SYCP1: variants seen among roughly 807,000 people sequenced by gnomAD.
SYCP1 encodes the protein synaptonemal complex protein 1, also known as cancer/testis antigen 8.
A neutral mutation model predicts 153.1 loss-of-function variants in SYCP1; 64 were observed. The ratio of observed to expected loss-of-function variants is 0.42; its 90% CI spans 0.34 to 0.51. The LOEUF is 0.51. Ranked by LOEUF, SYCP1 falls within the 20% of genes least tolerant of loss-of-function variation. The pLI, the probability that SYCP1 is intolerant of heterozygous loss-of-function variation, is 0.06. For synonymous variants in SYCP1, 384 were observed against 341.8 expected (o/e 1.12, Z -1.36); for missense variants, 997 against 1,049.0 (o/e 0.95, Z 0.68).
chr1:114,976,468 T>C (rs1051110862), intron 27 of SYCP1, among the ~76,000 whole-genome samples: 1 of 151,778 alleles, frequency 6.6e-6, no homozygotes, highest in Non-Finnish European at 1.5e-5. Context: ...CTTGGAAACA[T>C]ATATTATATT....
chr1:114,875,010 A>G (rs1665410332), intron 9 of SYCP1, among the ~76,000 whole-genome samples: 1 of 152,098 alleles, frequency 6.6e-6, no homozygotes, highest in Non-Finnish European at 1.5e-5. Flanking sequence ...CCCTTTGCAG[A>G]ACTTTTATGT....
rs567990404 is a variant in SYCP1 at position 114,961,856 on chromosome 1, A to T, written c.2322+14536A>T. On this transcript the variant is annotated intron_variant, in intron 27 of 31. Coordinates refer to ENST00000369522, the MANE Select transcript of SYCP1 (RefSeq NM_003176.4). ...TGTTCTGTAAATACCTGTTAAGTGCATCTGTTCCAGGGTATAGATTAAGTC... is the reference window on the plus strand; with the variant it reads ...TGTTCTGTAAATACCTGTTAAGTGCTTCTGTTCCAGGGTATAGATTAAGTC... Among the ~76,000 whole-genome samples, 72 of 152,216 alleles carry T rather than the reference A, an allele frequency of 4.7e-4. 1 individual carries two copies. Among genetic ancestry groups the T allele is most frequent in the South Asian group, 4.4e-3 (21 of 4,824 alleles).
intron 16 of SYCP1, among the ~76,000 whole-genome samples, chr1:114,901,925 C>A (rs1222861747): frequency 1.3e-5 from 2 of 152,132 alleles, no homozygotes; most frequent in Non-Finnish European, 2.9e-5. Context: ...GAAAAGGATG[C>A]CTGGGGGAAG....
Position 114,855,505 on chromosome 1 carries a change from G to C in SYCP1, c.41G>C (p.Arg14Thr). ...CCCTTTGCATTGTTCGTACCACCGA[G>C]ATCAAGCAGCAGTCAGGTGTCTGCG... is the stretch of plus-strand genomic sequence containing the variant. ...QKPFALFVPP[R>T]SSSSQVSAVK... The change falls in exon 2 of 32, where the codon AGA becomes ACA. Residue 14 changes from arginine (R) to threonine (T), a missense_variant. By Grantham distance (71) the Arg-to-Thr change is moderately conservative. Coordinates refer to ENST00000369522, the MANE Select transcript of SYCP1 (RefSeq NM_003176.4). 6.2e-7 allele frequency: 1 copy of C among 1,613,530 alleles called. No individual in the cohort carries two copies. The highest frequency in any genetic ancestry group is 8.5e-7 in the Non-Finnish European group (1 of 1,179,714).
At chr1:114,856,726 G>A (rs532453460) in intron 3 of SYCP1, 69 bp downstream of exon 3, 1 of 1,150,516 alleles carries the variant, frequency 8.7e-7, no homozygotes, top group East Asian at 2.4e-5. Flanking sequence ...GATAGTTATT[G>A]AAAATGTAAC....
chr1:114,936,658 T>C (rs1670035045), intron 23 of SYCP1, among the ~76,000 whole-genome samples: 1 of 152,150 alleles, frequency 6.6e-6, no homozygotes, highest in Admixed American at 6.6e-5. Context: ...AAAACCCCAT[T>C]GTCTCAGCCC....
chr1:114,896,852 G>A (rs1028677855), intron 16 of SYCP1, among the ~76,000 whole-genome samples: 10 of 152,162 alleles, frequency 6.6e-5, no homozygotes, highest in Non-Finnish European at 8.8e-5. Flanking sequence ...GATTAGGCTC[G>A]CAGACATTTT....
At chr1:114,907,649 T>C (rs1667901471) in intron 16 of SYCP1, among the ~76,000 whole-genome samples, 3 of 151,366 alleles carry the variant, frequency 2.0e-5, no homozygotes, top group African/African-American at 7.3e-5. Flanking sequence ...TGGCATGATC[T>C]CCGCTCACTG....
chr1:114,988,345 A>G (rs1673678342), intron 30 of SYCP1, among the ~76,000 whole-genome samples: 1 of 152,016 alleles, frequency 6.6e-6, no homozygotes, highest in African/African-American at 2.4e-5. Context: ...ACAAACTCCA[A>G]AAAGCCCCCA....
intron 8 of SYCP1, among the ~76,000 whole-genome samples, chr1:114,864,950 T>C (rs993995729): frequency 6.6e-6 from 1 of 152,196 alleles, no homozygotes; most frequent in African/African-American, 2.4e-5. Context: ...GCCATGCTGG[T>C]GTGCTGCACC....
intron 11 of SYCP1, among the ~76,000 whole-genome samples, chr1:114,877,307 A>G (rs1057502106): frequency 6.6e-6 from 1 of 152,156 alleles, no homozygotes; most frequent in Non-Finnish European, 1.5e-5. Flanking sequence ...TGAAAATGTT[A>G]ACTCTATATC....
At chr1:114,994,537 A>G (rs1674144479) in intron 30 of SYCP1, among the ~76,000 whole-genome samples, 161 bp from the exon 31 acceptor site, 1 of 151,214 alleles carries the variant, frequency 6.6e-6, no homozygotes, top group Admixed American at 6.6e-5. Context: ...TCTTCTCTCT[A>G]TAATCTTCTT....
intron 27 of SYCP1, among the ~76,000 whole-genome samples, chr1:114,959,548 A>G (rs1315681237): frequency 6.6e-6 from 1 of 152,232 alleles, no homozygotes; most frequent in Non-Finnish European, 1.5e-5. Flanking sequence ...TGAGGTATCC[A>G]TCACCTCAAG....
Position 114,923,452 on chromosome 1 carries a change from T to A in SYCP1, c.1722T>A (p.Asn574Lys), listed in dbSNP as rs375930367. 6.3e-6 allele frequency: 10 copies of A among 1,576,702 alleles called. No individual in the cohort carries two copies. In the Admixed American group the frequency reaches 1.1e-4, roughly 17 times the overall value. ...TCACTCTTCCATTTTCTTTTAGAAA[T>A]GAACTAGAATATGTGAGAGAAGAGC... is the stretch of plus-strand genomic sequence containing the variant. ...NLQETETQLR[N>K]ELEYVREELK... Residue 574 changes from asparagine to lysine, a missense_variant, in exon 21 of 32, where the codon AAT becomes AAA. Transcript: ENST00000369522.
chr1:114,974,572 A>C (rs1181061290), intron 27 of SYCP1, among the ~76,000 whole-genome samples: 1 of 151,718 alleles, frequency 6.6e-6, no homozygotes, highest in Non-Finnish European at 1.5e-5. Flanking sequence ...ACTTTATATG[A>C]GTGGAATCAT....
intron 16 of SYCP1, among the ~76,000 whole-genome samples, chr1:114,902,203 C>T (rs190717612): frequency 6.6e-6 from 1 of 152,040 alleles, no homozygotes; most frequent in South Asian, 2.1e-4. Flanking sequence ...TCCAGATCTC[C>T]GGGAGCAATG....
At chr1:114,900,791 T>C (rs1667390942) in intron 16 of SYCP1, among the ~76,000 whole-genome samples, 1 of 151,904 alleles carries the variant, frequency 6.6e-6, no homozygotes, top group South Asian at 2.1e-4. Flanking sequence ...TAGTTCCATA[T>C]GTCCCCATGC....
At chr1:114,984,354 G>C (rs1196183064) in intron 29 of SYCP1, among the ~76,000 whole-genome samples, 1 of 152,076 alleles carries the variant, frequency 6.6e-6, no homozygotes, top group Non-Finnish European at 1.5e-5. Context: ...TTTGTAGAGA[G>C]AGCAAAGCTC....
chr1:114,889,123 G>T (rs1666517736), intron 15 of SYCP1, among the ~76,000 whole-genome samples: 1 of 152,140 alleles, frequency 6.6e-6, no homozygotes, highest in South Asian at 2.1e-4. Flanking sequence ...CATTTGGGTT[G>T]GTTCCAAGTC....
Sources: gnomAD v4.1 joint callset for allele counts (sites outside exome capture counted in the v4.1 genomes callset) on GRCh38, gnomAD v4.1.1 for gene constraint, MANE v1.5 for transcripts, NCBI Gene and HGNC (gene_info 2026-07-23, HGNC 2026-07-21) for gene names.